The following MTA3 variants were observed in gnomAD, a reference collection of about 807,000 sequenced individuals.
MTA3 encodes the protein metastasis-associated protein MTA3.
Under a neutral mutation model 83.5 loss-of-function variants are expected in MTA3, and 34 were observed. The ratio of observed to expected loss-of-function variants is 0.41; its 90% CI spans 0.31 to 0.54. The LOEUF (loss-of-function observed/expected upper bound fraction) is 0.54, where lower values mean the gene tolerates loss of function less well. MTA3 is among the 20% of genes least tolerant of loss of function. The pLI is 0.33. For missense variants in MTA3, 761 were observed against 726.4 expected (o/e 1.05, Z -0.55); for synonymous variants, 303 against 252.7 (o/e 1.20, Z -1.89).
intron 9 of MTA3, among the ~76,000 whole-genome samples, chr2:42,689,198 G>A (rs1247184774): frequency 1.3e-5 from 2 of 152,112 alleles, no homozygotes; most frequent in African/African-American, 2.4e-5. Context: ...TTGGTCATGA[G>A]GTTTGTTTTA....
chr2:42,649,214 G>A (rs1401586465), intron 6 of MTA3, among the ~76,000 whole-genome samples: 2 of 151,968 alleles, frequency 1.3e-5, no homozygotes, highest in Non-Finnish European at 2.9e-5. Flanking sequence ...GACCAACCAC[G>A]GTGAAACCCC....
intron 9 of MTA3, chr2:42,682,830 T>G (rs1044327019): frequency 1.5e-5 from 6 of 405,454 alleles, no homozygotes; most frequent in Non-Finnish European, 2.3e-5. Flanking sequence ...TCCAGGACTT[T>G]GGGAGGCCGA....
At chr2:42,591,414 C>T (rs1680975016) in intron 3 of MTA3, among the ~76,000 whole-genome samples, 1 of 152,144 alleles carries the variant, frequency 6.6e-6, no homozygotes, top group African/African-American at 2.4e-5. Context: ...CCACTGTAGA[C>T]TTACTAAACA....
rs1031493280 is a variant in MTA3, at chr2:42,755,256, C to T, written c.*1857C>T. On this transcript the variant is annotated 3_prime_UTR_variant, in exon 17 of 17. Transcript: ENST00000405094. Reference sequence around the variant, plus strand: ...GGGAAATGATTCCCTCACCCTTTCACTTTCTCTCTGAACCCCTACTAAGTG... The same window carrying T: ...GGGAAATGATTCCCTCACCCTTTCATTTTCTCTCTGAACCCCTACTAAGTG... The T allele has an allele frequency of 4.1e-6, 4 of 985,386 alleles. No individual in the cohort carries two copies. The highest frequency in any genetic ancestry group is 1.7e-5 in the African/African-American group (1 of 57,250). The allele number at this position is 985,386 out of a possible 1,614,324, so 61.0% of individuals were successfully genotyped here. A position where few individuals can be genotyped will look rare whatever the true frequency, so the allele number is the denominator to read the frequency against.
intron 3 of MTA3, among the ~76,000 whole-genome samples, chr2:42,604,165 C>CA: frequency 6.6e-6 from 1 of 151,918 alleles, no homozygotes; most frequent in South Asian, 2.1e-4. Flanking sequence ...CCTGAGTCTC[C>CA]AGAGTAGCTG....
chr2:42,741,693 C>G (rs529516494), intron 16 of MTA3, among the ~76,000 whole-genome samples: 95 of 151,910 alleles, frequency 6.3e-4, no homozygotes, highest in African/African-American at 2.2e-3. Context: ...TTTTTCAGAG[C>G]TCCACTCAAG....
intron 8 of MTA3, among the ~76,000 whole-genome samples, chr2:42,667,304 G>A (rs936098546): frequency 6.6e-6 from 1 of 151,882 alleles, no homozygotes; most frequent in Non-Finnish European, 1.5e-5. Context: ...ATTCACTCTG[G>A]CATTACATAC....
chr2:42,679,769 A>G (rs974857487), intron 8 of MTA3, among the ~76,000 whole-genome samples: 4 of 152,124 alleles, frequency 2.6e-5, no homozygotes, highest in Non-Finnish European at 5.9e-5. Context: ...GCAAAAATAC[A>G]ACCAGCACCA....
chr2:42,569,825 CTGA>C (rs1449319039), intron 1 of MTA3: 2 of 152,160 alleles, frequency 1.3e-5, no homozygotes, highest in African/African-American at 4.8e-5. Context: ...AAAAAAGATG[CTGA>C]TATCACCCCC....
intron 14 of MTA3, among the ~76,000 whole-genome samples, chr2:42,716,355 G>A (rs931856385): frequency 6.6e-6 from 1 of 152,026 alleles, no homozygotes; most frequent in Non-Finnish European, 1.5e-5. Context: ...AAAGTTCAGG[G>A]GTACATGTGC....
chr2:42,504,830 CTCTT>C (rs1674555821), intron 2 of MTA3, among the ~76,000 whole-genome samples: 1 of 152,134 alleles, frequency 6.6e-6, no homozygotes, highest in Non-Finnish European at 1.5e-5. Context: ...AAGAAACACT[CTCTT>C]CCTTAAATTT....
At chr2:42,563,201 G>T (rs1677748717) in intron 2 of MTA3, among the ~76,000 whole-genome samples, 1 of 152,072 alleles carries the variant, frequency 6.6e-6, no homozygotes, top group Middle Eastern at 3.2e-3. Context: ...CTTACTCCCT[G>T]TAACATTCCT....
At chr2:42,692,485 C>T (rs370352020) in intron 9 of MTA3, among the ~76,000 whole-genome samples, 58 of 149,356 alleles carry the variant, frequency 3.9e-4, no homozygotes, top group African/African-American at 1.4e-3. Flanking sequence ...AGTGCAATGG[C>T]GTGATCTCGG....
intron 3 of MTA3, among the ~76,000 whole-genome samples, chr2:42,587,300 A>C (rs1680456204): frequency 6.6e-6 from 1 of 152,204 alleles, no homozygotes; most frequent in Non-Finnish European, 1.5e-5. Flanking sequence ...TGACAGAACA[A>C]GACCCTGCCT....
intron 3 of MTA3, among the ~76,000 whole-genome samples, 199 bp from the exon 4 acceptor site, chr2:42,609,259 G>C (rs1558495009): frequency 6.6e-6 from 1 of 152,056 alleles, no homozygotes; most frequent in Non-Finnish European, 1.5e-5. Context: ...TCAAACACCT[G>C]ACCTCAGGTG....
upstream of MTA3, among the ~76,000 whole-genome samples, chr2:42,565,001 C>G (rs535416554): frequency 3.3e-5 from 5 of 152,120 alleles, no homozygotes; most frequent in Non-Finnish European, 7.3e-5. Context: ...TGGTCTCGAA[C>G]TCCTGACCTC....
At chr2:42,561,231 C>A (rs1415364463) in intron 2 of MTA3, among the ~76,000 whole-genome samples, 2 of 152,132 alleles carry the variant, frequency 1.3e-5, no homozygotes, top group African/African-American at 4.8e-5. Flanking sequence ...AAAGGCCTTC[C>A]CTTACCACCA....
At chr2:42,693,935 C>T (rs1693144358) in intron 9 of MTA3, among the ~76,000 whole-genome samples, 1 of 151,758 alleles carries the variant, frequency 6.6e-6, no homozygotes, top group Non-Finnish European at 1.5e-5. Context: ...GGCATTGCTG[C>T]TGGTTACTCG....
intron 6 of MTA3, among the ~76,000 whole-genome samples, chr2:42,651,227 G>A (rs1688689038): frequency 6.6e-6 from 1 of 152,210 alleles, no homozygotes. Flanking sequence ...TTGCAGCACT[G>A]GAAGTTGCTT....
Sources: allele counts gnomAD v4.1 joint callset (sites outside exome capture counted in the v4.1 genomes callset), GRCh38; gene constraint gnomAD v4.1.1; transcripts MANE v1.5; gene names NCBI Gene and HGNC (gene_info 2026-07-23, HGNC 2026-07-21).